Variants in ADD2 observed in about 807,000 individuals in gnomAD.
The protein encoded by ADD2 is beta-adducin.
A neutral mutation model predicts 83.0 loss-of-function variants in ADD2; 23 were observed. That is an observed-to-expected ratio of 0.28 (90% confidence interval 0.20 to 0.39). The LOEUF is 0.39. ADD2 is among the 10% of genes least tolerant of loss of function. The pLI is 1.00. For missense variants in ADD2, 758 were observed against 944.9 expected (o/e 0.80, Z 2.59); for synonymous variants, 375 against 375.4 (o/e 1.00, Z 0.01).
rs1347025794 is a variant in ADD2, at chr2:70,659,843, C to T, written c.*3582G>A. On this transcript the variant is annotated 3_prime_UTR_variant, in exon 16 of 16. Coordinates refer to ENST00000264436, the MANE Select transcript of ADD2 (RefSeq NM_001617.4). ...CCACTAATCCTTCTTGTCCTCTCTC[C>T]TCCTGCCTGCCTTGCGATGGAAATA... The T allele has an allele frequency of 1.3e-5, 2 of 152,342 alleles. No homozygotes were observed. The highest frequency in any genetic ancestry group is 6.5e-5 in the Admixed American group (1 of 15,288). The allele number at this position is 152,342 out of a possible 1,614,324, so 9.4% of individuals were successfully genotyped here. A position where few individuals can be genotyped will look rare whatever the true frequency, so the allele number is the denominator to read the frequency against.
chr2:70,688,725 C>G (rs1319538804), intron 8 of ADD2, among the ~76,000 whole-genome samples: 1 of 152,168 alleles, frequency 6.6e-6, no homozygotes, highest in Non-Finnish European at 1.5e-5. Flanking sequence ...GCTCTGAGAT[C>G]TCACAGCTCT....
chr2:70,739,889 A>G (rs989645877), intron 1 of ADD2, among the ~76,000 whole-genome samples: 15 of 152,340 alleles, frequency 9.8e-5, no homozygotes, highest in African/African-American at 3.1e-4. Context: ...GAGTGGGAGA[A>G]GGGAGAGATC....
chr2:70,706,251 C>A lies in ADD2; in HGVS notation c.158G>T (p.Arg53Leu). 6.2e-7 allele frequency: 1 copy of A among 1,614,052 alleles called. No homozygotes were observed. The highest frequency in any genetic ancestry group is 8.5e-7 in the Non-Finnish European group (1 of 1,179,998). Residue 53 changes from arginine (R) to leucine (L), a missense_variant, in exon 3 of 16, where the codon CGC becomes CTC. Around this residue, in one of 5 missense-constraint regions of ADD2, gnomAD observed 175 missense variants for 192.1 expected, o/e 0.91. Transcript: ENST00000264436. The surrounding 1 kb of genome is among the most constrained non-coding windows in gnomAD (Gnocchi z 5.0). The stretch of plus-strand genomic sequence containing the variant: ...GGGACTCTGCAGGATCATGGTGACG[C>A]GCTTCTTCTGCTCCATCAGGTTGAA... ...QDFNLMEQKKRVTMILQSPSF... is the reference protein window; with the variant it reads ...QDFNLMEQKKLVTMILQSPSF...
intron 1 of ADD2, among the ~76,000 whole-genome samples, chr2:70,721,158 C>G (rs7569739): frequency 0.3 from 45,714 of 152,086 alleles, 7,355 homozygotes; most frequent in African/African-American, 0.42. Flanking sequence ...TCTCTGCTCT[C>G]TAAATCTACT....
intron 9 of ADD2, among the ~76,000 whole-genome samples, chr2:70,687,752 AG>A (rs1214415434): frequency 6.6e-6 from 1 of 152,224 alleles, no homozygotes; most frequent in African/African-American, 2.4e-5. Flanking sequence ...TGATGAGCCC[AG>A]GCAGCTCCCC....
In ADD2 at chr2:70,656,938, C is replaced by T. The variant is rs926897546; in HGVS notation, c.*6487G>A. The T allele has an allele frequency of 6.6e-6, 1 of 151,864 alleles. No individual in the cohort carries two copies. The highest frequency in any genetic ancestry group is 2.4e-5 in the African/African-American group (1 of 41,308). 9.4% of individuals were successfully genotyped at this position (151,864 alleles called of 1,614,324 possible). A position where few individuals can be genotyped will look rare whatever the true frequency, so the allele number is the denominator to read the frequency against. On this transcript the variant is annotated 3_prime_UTR_variant, in exon 16 of 16. Coordinates refer to ENST00000264436, the MANE Select transcript of ADD2 (RefSeq NM_001617.4). Reference sequence around the variant, plus strand: ...TCAGGAAGTGGCTTTGGAAAGTTCTCGTGAAAATCAAAGGGCAGCTTTGGT... The same window carrying T: ...TCAGGAAGTGGCTTTGGAAAGTTCTTGTGAAAATCAAAGGGCAGCTTTGGT...
chr2:70,683,489 G>T, intron 10 of ADD2, 102 bp downstream of exon 10: 1 of 1,266,052 alleles, frequency 7.9e-7, no homozygotes, highest in Non-Finnish European at 1.1e-6. Flanking sequence ...ACCTAGTTGT[G>T]ATGCTGGCAA....
chr2:70,755,847 T>C (rs1674749293), intron 1 of ADD2, among the ~76,000 whole-genome samples: 2 of 151,804 alleles, frequency 1.3e-5, no homozygotes, highest in African/African-American at 4.8e-5. Context: ...GATCATGAGG[T>C]CAGGAGTTCG....
Position 70,768,046 on chromosome 2 carries a change from G to C in ADD2, c.-314C>G, listed in dbSNP as rs1444115505. The C allele has an allele frequency of 2.1e-6, 3 of 1,427,096 alleles. No individual in the cohort carries two copies. Among genetic ancestry groups the C allele is most frequent in the Non-Finnish European group, 2.8e-6 (3 of 1,065,240 alleles). The allele number at this position is 1,427,096 out of a possible 1,614,324, so 88.4% of individuals were successfully genotyped here. Reference sequence around the variant, plus strand: ...AGCCCGCGCTCGTCAGAGCTGCTGGGAGATCCCCCAGCAGTGCAGCGGCTC... The same window carrying C: ...AGCCCGCGCTCGTCAGAGCTGCTGGCAGATCCCCCAGCAGTGCAGCGGCTC... On this transcript the variant is annotated 5_prime_UTR_variant, in exon 1 of 16. Coordinates refer to ENST00000264436, the MANE Select transcript of ADD2 (RefSeq NM_001617.4).
chr2:70,765,888 T>A (rs187569474), intron 1 of ADD2, among the ~76,000 whole-genome samples: 3 of 152,298 alleles, frequency 2.0e-5, no homozygotes, highest in Middle Eastern at 3.4e-3. Context: ...CCCTGTAAAC[T>A]ATCTTAAATC....
At chr2:70,733,085 C>T (rs899742573) in intron 1 of ADD2, among the ~76,000 whole-genome samples, 9 of 152,318 alleles carry the variant, frequency 5.9e-5, no homozygotes, top group Admixed American at 3.9e-4. Context: ...TTACATGCTA[C>T]AAAAATTAGC....
Position 70,676,570 on chromosome 2 carries a change from G to A in ADD2, c.1593+226C>T. The stretch of plus-strand genomic sequence containing the variant: ...ATCACTCCTGCAGGCAGGCTGGGCT[G>A]CTGTTCTCCAGCCCAGTGCCCACAG... On this transcript the variant is annotated intron_variant, in intron 13 of 15. Transcript: ENST00000264436. This position sits in a 1 kb window ranked among gnomAD's most constrained non-coding sequence, Gnocchi z 4.8. 7.1e-7 allele frequency: 1 copy of A among 1,416,932 alleles called. No individual in the cohort carries two copies. Among genetic ancestry groups the A allele is most frequent in the East Asian group, 2.6e-5 (1 of 38,778 alleles). The allele number at this position is 1,416,932 out of a possible 1,614,324, so 87.8% of individuals were successfully genotyped here.
intron 8 of ADD2, among the ~76,000 whole-genome samples, chr2:70,690,260 C>A (rs966140552): frequency 4.6e-5 from 7 of 152,092 alleles, no homozygotes; most frequent in African/African-American, 1.7e-4. Context: ...CCAAGCTTCA[C>A]TAATTTTTGT....
chr2:70,740,484 T>C (rs894056029), intron 1 of ADD2, among the ~76,000 whole-genome samples: 1 of 152,204 alleles, frequency 6.6e-6, no homozygotes, highest in Admixed American at 6.5e-5. Flanking sequence ...TACATTATAG[T>C]AAGCAATTTC....
intron 1 of ADD2, among the ~76,000 whole-genome samples, chr2:70,720,453 G>T (rs1382618755): frequency 6.6e-6 from 1 of 152,138 alleles, no homozygotes; most frequent in Non-Finnish European, 1.5e-5. Context: ...GGCAAAAATA[G>T]GAGAGATGTT....
intron 1 of ADD2, among the ~76,000 whole-genome samples, chr2:70,723,080 C>A (rs1016045030): frequency 6.6e-6 from 1 of 152,150 alleles, no homozygotes; most frequent in Non-Finnish European, 1.5e-5. Flanking sequence ...ACATGAAGGA[C>A]CCAGGGAATT....
intron 1 of ADD2, among the ~76,000 whole-genome samples, chr2:70,723,561 T>C (rs1176230825): frequency 7.2e-5 from 11 of 152,100 alleles, no homozygotes; most frequent in Admixed American, 2.0e-4. Context: ...AAGACATAGG[T>C]AGATTTTTAG....
chr2:70,698,034 G>A (rs1444117278), intron 4 of ADD2, among the ~76,000 whole-genome samples: 2 of 152,218 alleles, frequency 1.3e-5, no homozygotes, highest in African/African-American at 4.8e-5. Flanking sequence ...TGACCAGTTT[G>A]GGATTGCCTC....
chr2:70,698,107 G>A (rs1462802518), intron 4 of ADD2, among the ~76,000 whole-genome samples: 1 of 152,230 alleles, frequency 6.6e-6, no homozygotes, highest in Non-Finnish European at 1.5e-5. Flanking sequence ...GCAGCGAGGA[G>A]GGCATGTCAA....
Sources: allele counts gnomAD v4.1 joint callset (sites outside exome capture counted in the v4.1 genomes callset), GRCh38; gene constraint gnomAD v4.1.1; regional missense constraint gnomAD v4.1.1; non-coding constraint Gnocchi (gnomAD v3.1); transcripts MANE v1.5; gene names NCBI Gene and HGNC (gene_info 2026-07-23, HGNC 2026-07-21).